Variants in CASS4 observed in about 807,000 individuals in gnomAD.
The protein encoded by CASS4 is cas scaffolding protein family member 4.
A neutral mutation model predicts 54.2 loss-of-function variants in CASS4; 22 were observed. The observed-to-expected ratio is 0.41, with a 90% CI of 0.29 to 0.58. CASS4 has a LOEUF of 0.58. Ranked by LOEUF, CASS4 falls within the 20% of genes least tolerant of loss-of-function variation. The pLI is 0.36. For synonymous variants in CASS4, 409 were observed against 391.5 expected, an observed-to-expected ratio of 1.04 and a Z score of -0.53; for missense variants, 854 against 986.7, an observed-to-expected ratio of 0.87 and a Z score of 1.80.
At chr20:56,419,396 G>A (rs1979306999) in intron 1 of CASS4, among the ~76,000 whole-genome samples, 1 of 152,098 alleles carries the variant, frequency 6.6e-6, no homozygotes, top group African/African-American at 2.4e-5. Context: ...AATATGCGTG[G>A]CCTCTTGTTC....
chr20:56,426,758 G>C (rs1311372295), intron 1 of CASS4, among the ~76,000 whole-genome samples: 1 of 151,772 alleles, frequency 6.6e-6, no homozygotes, highest in Non-Finnish European at 1.5e-5. Context: ...TTATATTTTT[G>C]GTAGAGATGA....
rs1371916416 is a variant in CASS4, at chr20:56,430,500, A to G, written c.37-6664A>G. On this transcript the variant is annotated intron_variant, in intron 1 of 5. Coordinates refer to ENST00000679887, the MANE Select transcript of CASS4 (RefSeq NM_020356.4). This position sits in a 1 kb window ranked among gnomAD's most constrained non-coding sequence, Gnocchi z 4.2. ...ATTTCTACACAAATATTTCCAAATT[A>G]ACACTCTATTTAAGAATACCTTGTG... 6.6e-6 allele frequency among the ~76,000 whole-genome samples: 1 copy of G among 152,232 alleles called. No homozygotes were observed. Among genetic ancestry groups the G allele is most frequent in the Non-Finnish European group, 1.5e-5 (1 of 68,044 alleles).
At position 56,432,789 on chromosome 20, in the gene CASS4, A is replaced by G. The variant is rs144798542; in HGVS notation, c.37-4375A>G. Among the ~76,000 whole-genome samples, 75 of 152,316 alleles carry G rather than the reference A, an allele frequency of 4.9e-4. 1 individual carries two copies. The highest frequency in any genetic ancestry group is 1.7e-3 in the African/African-American group (72 of 41,562). On this transcript the variant is annotated intron_variant, in intron 1 of 5. Transcript: ENST00000679887. The stretch of plus-strand genomic sequence containing the variant: ...CATTCTTGTGAAACCCACTCCCAAC[A>G]CATTCAAGGGATAATGATTCCGTGT...
In CASS4 at chr20:56,452,166, G is replaced by C. The variant is rs1401145062; in HGVS notation, c.990G>C (p.Lys330Asn). The C allele has an allele frequency of 6.2e-7, 1 of 1,614,178 alleles. No individual in the cohort carries two copies. The highest frequency in any genetic ancestry group is 1.3e-5 in the African/African-American group (1 of 75,024). The change falls in exon 5 of 6, where the codon AAG (lysine) becomes AAC (asparagine). Residue 330 changes from lysine to asparagine, a missense_variant. Coordinates refer to ENST00000679887, the MANE Select transcript of CASS4 (RefSeq NM_020356.4). ...CTTTGGATGAAGATGTCAGCTACAA[G>C]GTTCCTTCAAGCTTTCTGATTCCCC... ...TFPLDEDVSYKVPSSFLIPRV... is the reference protein window; with the variant it reads ...TFPLDEDVSYNVPSSFLIPRV...
At chr20:56,416,158 T>A (rs1979125567) in intron 1 of CASS4, among the ~76,000 whole-genome samples, 2 of 152,222 alleles carry the variant, frequency 1.3e-5, no homozygotes, top group Admixed American at 1.3e-4. Flanking sequence ...AAAGCAATTC[T>A]CCTGCCTCAG....
At chr20:56,454,993 G>C (rs1981223899) in intron 5 of CASS4, among the ~76,000 whole-genome samples, 1 of 152,154 alleles carries the variant, frequency 6.6e-6, no homozygotes, top group Admixed American at 6.5e-5. Flanking sequence ...GTTGTTGTGG[G>C]TGGTACTGAC....
intron 5 of CASS4, among the ~76,000 whole-genome samples, chr20:56,454,111 G>A (rs1234716026): frequency 2.0e-5 from 3 of 152,100 alleles, no homozygotes; most frequent in Non-Finnish European, 2.9e-5. Flanking sequence ...AACCCAGGAG[G>A]CAGAGGTTGC....
intron 1 of CASS4, among the ~76,000 whole-genome samples, chr20:56,422,205 C>T (rs993326570): frequency 6.6e-6 from 1 of 152,212 alleles, no homozygotes; most frequent in Non-Finnish European, 1.5e-5. Flanking sequence ...CGGTGGCAGG[C>T]AGTGGCAAGG....
At chr20:56,434,697 G>A (rs1377306839) in intron 1 of CASS4, among the ~76,000 whole-genome samples, 3 of 151,646 alleles carry the variant, frequency 2.0e-5, no homozygotes, top group Admixed American at 1.3e-4. Flanking sequence ...TGCCCCCTCG[G>A]CCTACCAAAG....
At chr20:56,432,078 A>G (rs1439773022) in intron 1 of CASS4, among the ~76,000 whole-genome samples, 1 of 152,212 alleles carries the variant, frequency 6.6e-6, no homozygotes, top group Non-Finnish European at 1.5e-5. Flanking sequence ...CGTTGAGGAT[A>G]CTTGTCCAAC....
intron 5 of CASS4, among the ~76,000 whole-genome samples, chr20:56,456,477 G>A (rs1482762231): frequency 6.6e-6 from 1 of 151,936 alleles, no homozygotes; most frequent in Non-Finnish European, 1.5e-5. Context: ...AGGTTCGGGC[G>A]ATTCTCCTGC....
rs1406378661 is a variant in CASS4, at chr20:56,452,058, G to C, written c.882G>C (p.Leu294=). The change falls in exon 5 of 6, where the codon CTG becomes CTC. Residue 294 remains leucine, a synonymous_variant. Coordinates refer to ENST00000679887, the MANE Select transcript of CASS4 (RefSeq NM_020356.4). ...GATCCAGGTCCCTCACTCCACAACT[G>C]AATAACAATGTGCCCATGCAGAAAA... ...SGRSRSLTPQ[L]NNNVPMQKKL... is the part of the protein sequence containing the mutation. The C allele has an allele frequency of 1.2e-6, 2 of 1,614,120 alleles. No individual in the cohort carries two copies. The highest frequency in any genetic ancestry group is 2.7e-5 in the African/African-American group (2 of 74,990).
chr20:56,444,287 TC>T (rs910572539), intron 2 of CASS4, among the ~76,000 whole-genome samples: 17 of 152,128 alleles, frequency 1.1e-4, no homozygotes, highest in African/African-American at 3.9e-4. Context: ...TGCGTTCCCC[TC>T]CCTCAGCTCT....
chr20:56,455,827 A>T (rs1981265523), intron 5 of CASS4, among the ~76,000 whole-genome samples: 1 of 152,120 alleles, frequency 6.6e-6, no homozygotes, highest in African/African-American at 2.4e-5. Flanking sequence ...GCTACTCGGG[A>T]GGCTGAGGCA....
chr20:56,452,312 A>G lies in CASS4; in HGVS notation c.1136A>G (p.His379Arg), dbSNP rs771526401. ...AKEVSENSAG[H>R]NSSWFSRRTT... ...GAGGTGTCAGAGAATTCCGCGGGCCATAATTCCTCATGGTTCTCCAGACGG... is the reference window on the plus strand; with the variant it reads ...GAGGTGTCAGAGAATTCCGCGGGCCGTAATTCCTCATGGTTCTCCAGACGG... The change falls in exon 5 of 6, where the codon CAT becomes CGT. Residue 379 changes from histidine (H) to arginine (R), a missense_variant. Transcript: ENST00000679887. 15 of 1,613,834 alleles carry G rather than the reference A, an allele frequency of 9.3e-6. No individual in the cohort carries two copies. The highest frequency in any genetic ancestry group is 4.0e-5 in the African/African-American group (3 of 74,946).
chr20:56,458,835 G>C lies in CASS4; in HGVS notation c.*88G>C. On this transcript the variant is annotated 3_prime_UTR_variant, in exon 6 of 6. Coordinates refer to ENST00000679887, the MANE Select transcript of CASS4 (RefSeq NM_020356.4). ...CTCTGCCCTATGGGAAAAGCCAGCC[G>C]GGGCATACACCAATGAGCTGAAACA... is the stretch of plus-strand genomic sequence containing the variant. 7.5e-7 allele frequency: 1 copy of C among 1,324,550 alleles called. No individual in the cohort carries two copies. Among genetic ancestry groups the C allele is most frequent in the East Asian group, 2.5e-5 (1 of 39,250 alleles). 82.0% of individuals were successfully genotyped at this position (1,324,550 alleles called of 1,614,324 possible).
intron 3 of CASS4, among the ~76,000 whole-genome samples, chr20:56,446,277 G>C (rs1476356586): frequency 6.6e-6 from 1 of 152,034 alleles, no homozygotes; most frequent in Non-Finnish European, 1.5e-5. Context: ...TTCTTGTTGA[G>C]ATGGGGTCTT....
Position 56,412,322 on chromosome 20 carries a change from C to T in CASS4, c.-137C>T. 1.1e-6 allele frequency: 1 copy of T among 918,794 alleles called. No individual in the cohort carries two copies. The highest frequency in any genetic ancestry group is 1.7e-6 in the Non-Finnish European group (1 of 588,688). 56.9% of individuals were successfully genotyped at this position (918,794 alleles called of 1,614,324 possible). ...GCTGGGAGAGTCTTTTTGATCGTTT[C>T]CCATGTGTTGTCAGATAGCTCCATA... On this transcript the variant is annotated 5_prime_UTR_variant, in exon 1 of 6. Transcript: ENST00000679887. The surrounding 1 kb of genome is among the most constrained non-coding windows in gnomAD (Gnocchi z 4.2).
intron 1 of CASS4, among the ~76,000 whole-genome samples, chr20:56,424,570 G>A (rs1300317770): frequency 1.3e-5 from 2 of 151,780 alleles, no homozygotes; most frequent in African/African-American, 2.4e-5. Context: ...GGGAAACCCC[G>A]TCTCTACTAA....
Sources: allele counts gnomAD v4.1 joint callset (sites outside exome capture counted in the v4.1 genomes callset), GRCh38; gene constraint gnomAD v4.1.1; non-coding constraint Gnocchi (gnomAD v3.1); transcripts MANE v1.5; gene names NCBI Gene and HGNC (gene_info 2026-07-23, HGNC 2026-07-21).